The following SIGLEC11 variants were observed in gnomAD, a reference collection of about 807,000 sequenced individuals.
The protein encoded by SIGLEC11 is sialic acid binding Ig like lectin 11.
SIGLEC11 carries 47 observed loss-of-function variants against 61.2 expected under a neutral mutation model. The ratio of observed to expected loss-of-function variants is 0.77; its 90% CI spans 0.61 to 0.98. SIGLEC11 has a LOEUF of 0.98. SIGLEC11 is among the 50% of genes least tolerant of loss of function. The pLI is 0.00. For synonymous variants in SIGLEC11, 278 were observed against 373.1 expected, an observed-to-expected ratio of 0.75 and a Z score of 2.94; for missense variants, 610 against 870.3, an observed-to-expected ratio of 0.70 and a Z score of 3.76.
rs1402637614 is a variant in SIGLEC11 at position 49,952,476 on chromosome 19, C to T, written c.1652-82G>A. Reference sequence around the variant, plus strand: ...CTTCCTCCCACAGACCTAGAGCTCTCGGATTCTTCATCCCCAACTGAGGCA... The same window carrying T: ...CTTCCTCCCACAGACCTAGAGCTCTTGGATTCTTCATCCCCAACTGAGGCA... On this transcript the variant is annotated intron_variant, in intron 8 of 10. Transcript: ENST00000447370. The T allele has an allele frequency of 1.3e-5, 13 of 979,616 alleles. 1 individual carries two copies. Among genetic ancestry groups the T allele is most frequent in the South Asian group, 1.1e-4 (7 of 64,542 alleles). 60.7% of individuals were successfully genotyped at this position (979,616 alleles called of 1,614,324 possible).
chr19:49,949,339 C>G lies in SIGLEC11; in HGVS notation c.*631G>C, dbSNP rs2076142855. 1 of 151,408 alleles carries G rather than the reference C, an allele frequency of 6.6e-6. No homozygotes were observed. Among genetic ancestry groups the G allele is most frequent in the Non-Finnish European group, 1.5e-5 (1 of 67,906 alleles). 9.4% of individuals were successfully genotyped at this position (151,408 alleles called of 1,614,324 possible). A position where few individuals can be genotyped will look rare whatever the true frequency, so the allele number is the denominator to read the frequency against. Reference sequence around the variant, plus strand: ...GAACCACTTGGACTTGGTCCTCTCACTCTCCCTCTTCTGAAGGAAGAGCAT... The same window carrying G: ...GAACCACTTGGACTTGGTCCTCTCAGTCTCCCTCTTCTGAAGGAAGAGCAT... On this transcript the variant is annotated 3_prime_UTR_variant, in exon 11 of 11. Transcript: ENST00000447370.
At chr19:49,950,700 C>T (rs407997) in intron 10 of SIGLEC11, among the ~76,000 whole-genome samples, 145,562 of 152,266 alleles carry the variant, frequency 0.96, 69,630 homozygotes, top group East Asian at 1. Context: ...GGAGACACCA[C>T]CCCTGATCTC....
At chr19:49,956,553 C>A (rs2076197770) in intron 8 of SIGLEC11, among the ~76,000 whole-genome samples, 1 of 152,014 alleles carries the variant, frequency 6.6e-6, no homozygotes, top group Non-Finnish European at 1.5e-5. Context: ...CCCACTGCAA[C>A]AGGGAGAAAC....
In SIGLEC11 at chr19:49,955,385, A is replaced by G. The variant is rs2076188929; in HGVS notation, c.1651+2898T>C. Among the ~76,000 whole-genome samples the G allele has an allele frequency of 1.3e-5, 2 of 152,196 alleles. No individual in the cohort carries two copies. Among genetic ancestry groups the G allele is most frequent in the East Asian group, 3.9e-4 (2 of 5,170 alleles). ...AGGCATCTACCAAGCCTCTGGGCCT[A>G]TAACGGCCCAGGGGTGGACTACGGC... On this transcript the variant is annotated intron_variant, in intron 8 of 10. Transcript: ENST00000447370. The surrounding 1 kb of genome is among the most constrained non-coding windows in gnomAD (Gnocchi z 4.5).
chr19:49,953,462 G>C (rs535208918), intron 8 of SIGLEC11, among the ~76,000 whole-genome samples: 1 of 152,138 alleles, frequency 6.6e-6, no homozygotes, highest in Non-Finnish European at 1.5e-5. Context: ...AAGTCGATTA[G>C]GAAAAGGAAA....
intron 8 of SIGLEC11, 57 bp downstream of exon 8, chr19:49,958,226 C>T: frequency 6.3e-7 from 1 of 1,597,756 alleles, no homozygotes; most frequent in Non-Finnish European, 8.5e-7. Context: ...GAACCTTCAT[C>T]TTTCTAGGAT....
rs1201676915 is a variant in SIGLEC11 at position 49,960,673 on chromosome 19, G to C, written c.339C>G (p.Ser113Arg). 6 of 1,609,536 alleles carry C rather than the reference G, an allele frequency of 3.7e-6. No homozygotes were observed. The highest frequency in any genetic ancestry group is 5.1e-6 in the Non-Finnish European group (6 of 1,179,672). Residue 113 changes from serine (S) to arginine (R), a missense_variant, in exon 2 of 11, where the codon AGC becomes AGG. By Grantham distance (110) the Ser-to-Arg change is moderately radical. Around this residue, in one of 6 missense-constraint regions of SIGLEC11, gnomAD observed 99 missense variants for 131.6 expected, o/e 0.75. Coordinates refer to ENST00000447370, the MANE Select transcript of SIGLEC11 (RefSeq NM_052884.3). ...FQLTGDPGKG[S>R]CSLVIRDAQR... ...GCGCGTCTCTGATCACCAAGGAGCA[G>C]CTCCCTTTGCCGGGATCCCCAGTGA...
intron 10 of SIGLEC11, among the ~76,000 whole-genome samples, chr19:49,950,689 G>T (rs1212411037): frequency 1.3e-5 from 2 of 152,172 alleles, no homozygotes; most frequent in Non-Finnish European, 1.5e-5. Flanking sequence ...GGGGGAACTA[G>T]GGAGACACCA....
Position 49,958,881 on chromosome 19 carries a change from G to GTT in SIGLEC11, c.1123_1124dup (p.Asn375LysfsTer28), listed in dbSNP as rs545385303. The GTT allele has an allele frequency of 2.9e-4, 461 of 1,600,182 alleles. 2 individuals carry two copies. In the African/African-American group the frequency reaches 5.5e-3, roughly 19 times the overall value. On this transcript the variant is annotated frameshift_variant, in exon 7 of 11. Transcript: ENST00000447370. LOFTEE classifies it high-confidence loss of function. ...CCTCCAGGACCGGGAGGGATGTGCC[G>GTT]TTCCCGAGGTTTTCCAGGACTAGGG...
chr19:49,960,447 T>C, intron 2 of SIGLEC11, 26 bp from the exon 3 acceptor site: 1 of 1,595,636 alleles, frequency 6.3e-7, no homozygotes, highest in Non-Finnish European at 8.5e-7. Context: ...GGTGGGAGAT[T>C]CTTGTGCTGC....
intron 8 of SIGLEC11, among the ~76,000 whole-genome samples, chr19:49,954,336 G>C (rs2076180967): frequency 1.3e-5 from 2 of 152,108 alleles, no homozygotes; most frequent in Non-Finnish European, 2.9e-5. Flanking sequence ...CCAAATTCAG[G>C]AGCTAGCATG....
At position 49,950,113 on chromosome 19, in the gene SIGLEC11, G is replaced by A; in HGVS notation, c.1954C>T (p.Leu652=). The A allele has an allele frequency of 1.2e-6, 2 of 1,613,198 alleles. No individual in the cohort carries two copies. Among genetic ancestry groups the A allele is most frequent in the South Asian group, 2.2e-5 (2 of 90,966 alleles). Residue 652 remains leucine (L), a synonymous_variant, in exon 11 of 11, where the codon CTG becomes TTG. Coordinates refer to ENST00000447370, the MANE Select transcript of SIGLEC11 (RefSeq NM_052884.3). ...LHYASLSFQG[L]RLWEPADQEA... is the part of the protein sequence containing the mutation. ...TGGTCCGCAGGCTCCCAGAGCCTCA[G>A]GCCCTGGAAGCTGAGGGAGGCATAG... is the stretch of plus-strand genomic sequence containing the variant.
Position 49,951,630 on chromosome 19 carries a change from G to C in SIGLEC11, c.1830+261C>G, listed in dbSNP as rs1423231183. Among the ~76,000 whole-genome samples the C allele has an allele frequency of 6.6e-6, 1 of 152,150 alleles. No homozygotes were observed. The highest frequency in any genetic ancestry group is 1.5e-5 in the Non-Finnish European group (1 of 68,014). ...TCGGGGATGCAGGAGGAAATGAGGAGTGGGAGGTGGAGGGTCCACTGGATC... is the reference window on the plus strand; with the variant it reads ...TCGGGGATGCAGGAGGAAATGAGGACTGGGAGGTGGAGGGTCCACTGGATC... On this transcript the variant is annotated intron_variant, in intron 10 of 10. Transcript: ENST00000447370. The surrounding 1 kb of genome is among the most constrained non-coding windows in gnomAD (Gnocchi z 4.6).
At position 49,955,688 on chromosome 19, in the gene SIGLEC11, A is replaced by T. The variant is rs1325400011; in HGVS notation, c.1651+2595T>A. Among the ~76,000 whole-genome samples, 1 of 152,170 alleles carries T rather than the reference A, an allele frequency of 6.6e-6. No homozygotes were observed. The highest frequency in any genetic ancestry group is 1.5e-5 in the Non-Finnish European group (1 of 68,034). On this transcript the variant is annotated intron_variant, in intron 8 of 10. Coordinates refer to ENST00000447370, the MANE Select transcript of SIGLEC11 (RefSeq NM_052884.3). This position sits in a 1 kb window ranked among gnomAD's most constrained non-coding sequence, Gnocchi z 4.5. ...GGCGGCTCACACCTGTAATCCCAGCACTTTGGGAGGCCGAGGTGGACAGAT... is the reference window on the plus strand; with the variant it reads ...GGCGGCTCACACCTGTAATCCCAGCTCTTTGGGAGGCCGAGGTGGACAGAT...
rs1338266061 is a variant in SIGLEC11 at position 49,955,665 on chromosome 19, C to T, written c.1651+2618G>A. ...AGAAAAATTAGCAGGCCGGGCATGG[C>T]GGCTCACACCTGTAATCCCAGCACT... On this transcript the variant is annotated intron_variant, in intron 8 of 10. Coordinates refer to ENST00000447370, the MANE Select transcript of SIGLEC11 (RefSeq NM_052884.3). This position sits in a 1 kb window ranked among gnomAD's most constrained non-coding sequence, Gnocchi z 4.5. Among the ~76,000 whole-genome samples the T allele has an allele frequency of 3.9e-5, 6 of 152,084 alleles. No individual in the cohort carries two copies. Among genetic ancestry groups the T allele is most frequent in the South Asian group, 2.1e-4 (1 of 4,818 alleles).
intron 8 of SIGLEC11, among the ~76,000 whole-genome samples, chr19:49,957,294 T>TA (rs1405624077): frequency 6.6e-5 from 10 of 151,388 alleles, no homozygotes; most frequent in African/African-American, 1.9e-4. Flanking sequence ...ACTTCTTTTA[T>TA]AAAAAACATC....
Position 49,955,353 on chromosome 19 carries a change from T to A in SIGLEC11, c.1651+2930A>T, listed in dbSNP as rs1325230270. Among the ~76,000 whole-genome samples the A allele has an allele frequency of 6.7e-6, 1 of 149,512 alleles. No homozygotes were observed. Among genetic ancestry groups the A allele is most frequent in the Non-Finnish European group, 1.5e-5 (1 of 67,646 alleles). On this transcript the variant is annotated intron_variant, in intron 8 of 10. Transcript: ENST00000447370. This position sits in a 1 kb window ranked among gnomAD's most constrained non-coding sequence, Gnocchi z 4.5. The stretch of plus-strand genomic sequence containing the variant: ...AAAAGAAAGGCATAATTCTTACAAC[T>A]TGCGGCAGGCATCTACCAAGCCTCT...
chr19:49,950,294 G>C, intron 10 of SIGLEC11, 58 bp from the exon 11 acceptor site: 2 of 1,412,990 alleles, frequency 1.4e-6, no homozygotes, highest in Non-Finnish European at 1.9e-6. Context: ...GCGAGAGCAA[G>C]GAGGATGCAC....
chr19:49,959,098 C>T (rs765983217), intron 5 of SIGLEC11, 21 bp from the exon 6 acceptor site: 41 of 1,613,504 alleles, frequency 2.5e-5, no homozygotes, highest in East Asian at 1.1e-4. Context: ...GACAGGGGAC[C>T]GGCTCTAGAC....
Sources: gnomAD v4.1 joint callset for allele counts (sites outside exome capture counted in the v4.1 genomes callset) on GRCh38, gnomAD v4.1.1 for gene constraint, gnomAD v4.1.1 regional missense constraint, Gnocchi (gnomAD v3.1) non-coding constraint, MANE v1.5 for transcripts, NCBI Gene and HGNC (gene_info 2026-07-23, HGNC 2026-07-21) for gene names.